The following DIP2C variants were observed in gnomAD, a reference collection of about 807,000 sequenced individuals.
The protein encoded by DIP2C is DIP2 acetate--CoA ligase C (putative).
Under a neutral mutation model 192.4 loss-of-function variants are expected in DIP2C, and 33 were observed. That is an observed-to-expected ratio of 0.17 (90% CI 0.13 to 0.23). The LOEUF (loss-of-function observed/expected upper bound fraction) is 0.23, where lower values mean the gene tolerates loss of function less well. DIP2C is among the 10% of genes least tolerant of loss of function. The pLI is 1.00. For missense variants in DIP2C, 1,537 were observed against 2,110.1 expected, an observed-to-expected ratio of 0.73 and a Z score of 5.32; for synonymous variants, 979 against 864.1, an observed-to-expected ratio of 1.13 and a Z score of -2.33.
intron 1 of DIP2C, among the ~76,000 whole-genome samples, chr10:591,165 C>CA (rs1440662570): frequency 2.0e-5 from 3 of 152,184 alleles, no homozygotes; most frequent in African/African-American, 7.2e-5. Flanking sequence ...CTCTGTCACC[C>CA]AGGGTGGAGT....
At chr10:661,164 T>C (rs1009084597) in intron 1 of DIP2C, among the ~76,000 whole-genome samples, 2 of 152,172 alleles carry the variant, frequency 1.3e-5, no homozygotes, top group African/African-American at 4.8e-5. Context: ...TTGAGGCCCC[T>C]GGGATCTTTC....
intron 1 of DIP2C, chr10:665,740 A>C (rs1185306873): frequency 6.6e-6 from 1 of 152,034 alleles, no homozygotes; most frequent in African/African-American, 2.4e-5. Flanking sequence ...GACTCACGTG[A>C]CTCCTCCTCA....
At position 363,770 on chromosome 10, in the gene DIP2C, TAA is replaced by T. The variant is rs1475623307; in HGVS notation, c.2478-461_2478-460del. Among the ~76,000 whole-genome samples the T allele has an allele frequency of 6.6e-6, 1 of 152,128 alleles. No homozygotes were observed. The highest frequency in any genetic ancestry group is 1.5e-5 in the Non-Finnish European group (1 of 68,026). ...GTCAGCACAGCACAGTCACCTCCAG[TAA>T]AAGAGATTGTAGCTGTAAAGATAAT... On this transcript the variant is annotated intron_variant, in intron 20 of 36. Transcript: ENST00000280886. The surrounding 1 kb of genome is among the most constrained non-coding windows in gnomAD (Gnocchi z 5.4).
At chr10:285,331 G>A (rs922347603) in intron 34 of DIP2C, among the ~76,000 whole-genome samples, 6 of 152,182 alleles carry the variant, frequency 3.9e-5, no homozygotes, top group Non-Finnish European at 7.3e-5. Context: ...TTTATAAGAT[G>A]CCAGTTCTTA....
chr10:595,555 A>G (rs1851651880), intron 1 of DIP2C, among the ~76,000 whole-genome samples: 1 of 152,178 alleles, frequency 6.6e-6, no homozygotes, highest in South Asian at 2.1e-4. Context: ...TGAAAGAATG[A>G]AATGATTTTG....
At chr10:630,636 G>A (rs1041142905) in intron 1 of DIP2C, 1 of 152,290 alleles carries the variant, frequency 6.6e-6, no homozygotes, top group African/African-American at 2.4e-5. Context: ...GCTCTACCAT[G>A]GCCGACGGCC....
intron 8 of DIP2C, among the ~76,000 whole-genome samples, chr10:412,442 T>C (rs985579614): frequency 1.2e-4 from 19 of 152,354 alleles, no homozygotes; most frequent in Admixed American, 1.1e-3. Context: ...GAGGGTCACA[T>C]AGAAAAGTCT....
At chr10:426,256 A>G (rs1966590678) in intron 4 of DIP2C, among the ~76,000 whole-genome samples, 2 of 152,232 alleles carry the variant, frequency 1.3e-5, no homozygotes. Flanking sequence ...TAACATCAAA[A>G]ACATAAAACA....
chr10:554,026 T>G (rs1341820621), intron 1 of DIP2C, among the ~76,000 whole-genome samples: 1 of 151,698 alleles, frequency 6.6e-6, no homozygotes, highest in Non-Finnish European at 1.5e-5. Context: ...GGAAAAAACG[T>G]ACAGCTTGTA....
intron 17 of DIP2C, among the ~76,000 whole-genome samples, chr10:377,811 T>G (rs1961809650): frequency 6.6e-6 from 1 of 152,240 alleles, no homozygotes; most frequent in Admixed American, 6.5e-5. Context: ...AAGATGGTTG[T>G]GGTGACAAGG....
At chr10:656,004 T>A (rs1856281933) in intron 1 of DIP2C, among the ~76,000 whole-genome samples, 2 of 151,994 alleles carry the variant, frequency 1.3e-5, no homozygotes, top group African/African-American at 4.8e-5. Flanking sequence ...TACTATATAA[T>A]GTTACACTGT....
intron 1 of DIP2C, among the ~76,000 whole-genome samples, chr10:656,966 T>C (rs1172654522): frequency 1.3e-5 from 2 of 152,236 alleles, no homozygotes; most frequent in Non-Finnish European, 2.9e-5. Context: ...CAGTAGGCTC[T>C]ACTAATAACT....
At chr10:279,042 A>G (rs1399619845) in intron 36 of DIP2C, among the ~76,000 whole-genome samples, 10 of 152,216 alleles carry the variant, frequency 6.6e-5, no homozygotes, top group Non-Finnish European at 8.8e-5. Context: ...AAAAAAACGC[A>G]TATTTTATTC....
At chr10:338,109 G>A (rs955437971) in intron 29 of DIP2C, among the ~76,000 whole-genome samples, 1 of 152,210 alleles carries the variant, frequency 6.6e-6, no homozygotes, top group Non-Finnish European at 1.5e-5. Flanking sequence ...TTATAAAGGA[G>A]ATAAATTATT....
chr10:410,843 TCTC>T (rs1336186433), intron 8 of DIP2C, among the ~76,000 whole-genome samples: 1 of 152,232 alleles, frequency 6.6e-6, no homozygotes, highest in Non-Finnish European at 1.5e-5. Flanking sequence ...TTTTTATACT[TCTC>T]AAAGAGAAAA....
chr10:630,208 G>C (rs1854438737), intron 1 of DIP2C: 1 of 152,092 alleles, frequency 6.6e-6, no homozygotes. Flanking sequence ...TTGACTAGTT[G>C]TTTTTCTTTT....
intron 5 of DIP2C, among the ~76,000 whole-genome samples, chr10:421,161 A>G (rs1474905002): frequency 6.6e-6 from 1 of 152,176 alleles, no homozygotes; most frequent in Non-Finnish European, 1.5e-5. Flanking sequence ...CTTTGTGCCT[A>G]ATTAGAAATT....
At chr10:568,706 C>T (rs915623674) in intron 1 of DIP2C, among the ~76,000 whole-genome samples, 3 of 127,466 alleles carry the variant, frequency 2.4e-5, no homozygotes, top group African/African-American at 8.8e-5. Context: ...GCGGAGCTTG[C>T]AGTGAGTCGA....
At chr10:508,690 C>T (rs935630424) in intron 1 of DIP2C, among the ~76,000 whole-genome samples, 4 of 152,088 alleles carry the variant, frequency 2.6e-5, no homozygotes, top group East Asian at 1.9e-4. Flanking sequence ...TTTTGGTCAA[C>T]GTAAGAAAAA....
Sources: allele counts gnomAD v4.1 joint callset (sites outside exome capture counted in the v4.1 genomes callset), GRCh38; gene constraint gnomAD v4.1.1; non-coding constraint Gnocchi (gnomAD v3.1); transcripts MANE v1.5; gene names NCBI Gene and HGNC (gene_info 2026-07-23, HGNC 2026-07-21).